Variants in MCF2L2 observed in about 807,000 individuals in gnomAD.
MCF2L2 encodes the protein MCF.2 cell line derived transforming sequence-like 2.
MCF2L2 carries 102 observed loss-of-function variants against 150.2 expected under a neutral mutation model. The observed-to-expected ratio is 0.68, with a 90% CI of 0.58 to 0.80. The LOEUF is 0.80. Ranked by LOEUF, MCF2L2 falls within the 30% of genes least tolerant of loss-of-function variation. The pLI is 0.00. For synonymous variants in MCF2L2, 465 were observed against 491.3 expected, an observed-to-expected ratio of 0.95 and a Z score of 0.71; for missense variants, 1,256 against 1,372.8, an observed-to-expected ratio of 0.91 and a Z score of 1.34.
chr3:183,403,287 A>ATAAAG (rs1017889710), intron 1 of MCF2L2, among the ~76,000 whole-genome samples: 1 of 152,134 alleles, frequency 6.6e-6, no homozygotes, highest in Non-Finnish European at 1.5e-5. Flanking sequence ...ATAAAATAAA[A>ATAAAG]TAAAAGCAAC....
intron 1 of MCF2L2, among the ~76,000 whole-genome samples, chr3:183,395,409 G>A (rs1014462014): frequency 6.6e-6 from 1 of 152,144 alleles, no homozygotes; most frequent in Non-Finnish European, 1.5e-5. Context: ...TATGAGAAAA[G>A]AATATATGAA....
At chr3:183,323,404 G>C in intron 5 of MCF2L2, 53 bp from the exon 6 acceptor site, 1 of 857,888 alleles carries the variant, frequency 1.2e-6, no homozygotes, top group East Asian at 2.5e-5. Flanking sequence ...TTAAATAATA[G>C]CTCATTTACA....
At chr3:183,426,649 A>C (rs140683895) in intron 1 of MCF2L2, among the ~76,000 whole-genome samples, 2 of 152,328 alleles carry the variant, frequency 1.3e-5, no homozygotes, top group Non-Finnish European at 2.9e-5. Context: ...GTTTTAGCAC[A>C]ATCATTTCAA....
At chr3:183,415,092 T>G (rs1715519252) in intron 1 of MCF2L2, among the ~76,000 whole-genome samples, 1 of 152,182 alleles carries the variant, frequency 6.6e-6, no homozygotes, top group African/African-American at 2.4e-5. Context: ...TTGTGTAGGT[T>G]TTCCATTTCC....
At chr3:183,414,747 T>C (rs755562628) in intron 1 of MCF2L2, among the ~76,000 whole-genome samples, 1 of 152,228 alleles carries the variant, frequency 6.6e-6, no homozygotes, top group African/African-American at 2.4e-5. Context: ...AGTTTGAGTA[T>C]GCTGTGTCTT....
chr3:183,362,775 G>A (rs117255706), intron 3 of MCF2L2, among the ~76,000 whole-genome samples: 2,127 of 152,056 alleles, frequency 0.014, 46 homozygotes, highest in East Asian at 0.065. Context: ...TCAATTAAAC[G>A]CAAGATGCAA....
intron 15 of MCF2L2, among the ~76,000 whole-genome samples, chr3:183,250,352 G>C (rs1010258879): frequency 6.6e-6 from 1 of 152,246 alleles, no homozygotes; most frequent in East Asian, 1.9e-4. Context: ...TTGGGAGGCC[G>C]AGGCGGGCGG....
chr3:183,311,235 G>A (rs570465337), intron 8 of MCF2L2, among the ~76,000 whole-genome samples: 1 of 152,304 alleles, frequency 6.6e-6, no homozygotes, highest in African/African-American at 2.4e-5. Context: ...CATCCACAGT[G>A]CAGGCAGTGA....
intron 1 of MCF2L2, among the ~76,000 whole-genome samples, chr3:183,402,085 G>A (rs973617586): frequency 2.0e-4 from 30 of 152,158 alleles, no homozygotes; most frequent in East Asian, 1.9e-4. Flanking sequence ...GTTCTTTGTT[G>A]TTGTTAAAAG....
At chr3:183,405,237 T>C (rs771862936) in intron 1 of MCF2L2, among the ~76,000 whole-genome samples, 5 of 152,106 alleles carry the variant, frequency 3.3e-5, no homozygotes, top group Admixed American at 1.3e-4. Flanking sequence ...TATTAGAAAA[T>C]GGGATTATAG....
chr3:183,401,750 GTAGGTA>G (rs1232529484), intron 1 of MCF2L2, among the ~76,000 whole-genome samples: 1 of 152,204 alleles, frequency 6.6e-6, no homozygotes. Context: ...TTCATCCACA[GTAGGTA>G]TCAGTAGTTC....
chr3:183,179,803 C>T lies in MCF2L2; in HGVS notation c.3106-111G>A. The T allele has an allele frequency of 1.1e-6, 1 of 950,928 alleles. No individual in the cohort carries two copies. 58.9% of individuals were successfully genotyped at this position (950,928 alleles called of 1,614,324 possible). A position where few individuals can be genotyped will look rare whatever the true frequency, so the allele number is the denominator to read the frequency against. On this transcript the variant is annotated intron_variant, in intron 28 of 29. Coordinates refer to ENST00000328913, the MANE Select transcript of MCF2L2 (RefSeq NM_015078.4). The surrounding 1 kb of genome is among the most constrained non-coding windows in gnomAD (Gnocchi z 4.2). ...GCTGAGGCCCACCCCAGCCCTCCCACCTGGGCCACGGGGCTCTCAGCGGGA... is the reference window on the plus strand; with the variant it reads ...GCTGAGGCCCACCCCAGCCCTCCCATCTGGGCCACGGGGCTCTCAGCGGGA...
chr3:183,284,538 C>T lies in MCF2L2; in HGVS notation c.1776+4582G>A, dbSNP rs541741092. Among the ~76,000 whole-genome samples, 72 of 152,184 alleles carry T rather than the reference C, an allele frequency of 4.7e-4. 2 individuals are homozygous for T. The South Asian group carries it at 5.2e-3, about 11-fold the overall frequency. ...GCAACATGGTGAAACCCTGTCTCTA[C>T]TAGAAATACAAAAATTAGCCAGGCA... On this transcript the variant is annotated intron_variant, in intron 14 of 29. Transcript: ENST00000328913.
intron 3 of MCF2L2, among the ~76,000 whole-genome samples, chr3:183,357,470 G>C (rs995926710): frequency 6.6e-6 from 1 of 152,096 alleles, no homozygotes; most frequent in Non-Finnish European, 1.5e-5. Context: ...TTAATCCAAA[G>C]ATCCAAAATC....
intron 19 of MCF2L2, among the ~76,000 whole-genome samples, chr3:183,223,777 G>C (rs1723245943): frequency 6.6e-6 from 1 of 152,204 alleles, no homozygotes; most frequent in African/African-American, 2.4e-5. Context: ...GGCTGCCAGA[G>C]TCTATTCAGG....
chr3:183,393,389 C>T (rs1714273527), intron 1 of MCF2L2, among the ~76,000 whole-genome samples: 1 of 151,982 alleles, frequency 6.6e-6, no homozygotes, highest in African/African-American at 2.4e-5. Context: ...GACAGGGTTT[C>T]TCCATGTTGG....
At chr3:183,296,684 A>C (rs943739449) in intron 12 of MCF2L2, 13 of 277,034 alleles carry the variant, frequency 4.7e-5, no homozygotes, top group Admixed American at 9.4e-5. Context: ...GGATGGAAGC[A>C]TGCCTATTTT....
intron 15 of MCF2L2, among the ~76,000 whole-genome samples, chr3:183,233,756 G>A (rs1049718239): frequency 1.3e-5 from 2 of 152,086 alleles, no homozygotes; most frequent in Non-Finnish European, 2.9e-5. Flanking sequence ...CTTTTTTAAA[G>A]TGAAACATTT....
At chr3:183,314,060 A>C (rs1729494988) in intron 7 of MCF2L2, among the ~76,000 whole-genome samples, 1 of 152,200 alleles carries the variant, frequency 6.6e-6, no homozygotes, top group South Asian at 2.1e-4. Context: ...TCTCCCAGGG[A>C]AGGCTAAAGC....
Sources: gnomAD v4.1 joint callset for allele counts (sites outside exome capture counted in the v4.1 genomes callset) on GRCh38, gnomAD v4.1.1 for gene constraint, Gnocchi (gnomAD v3.1) non-coding constraint, MANE v1.5 for transcripts, NCBI Gene and HGNC (gene_info 2026-07-23, HGNC 2026-07-21) for gene names.